Variants in ARHGEF40 observed in about 807,000 individuals in gnomAD.
The protein encoded by ARHGEF40 is Rho guanine nucleotide exchange factor 40.
ARHGEF40 carries 98 observed loss-of-function variants against 165.9 expected under a neutral mutation model. That is an observed-to-expected ratio of 0.59 (90% CI 0.50 to 0.70). The LOEUF is 0.70. Ranked by LOEUF, ARHGEF40 falls within the 30% of genes least tolerant of loss-of-function variation. The pLI is 0.00. For missense variants in ARHGEF40, 1,815 were observed against 1,968.0 expected (o/e 0.92, Z 1.47); for synonymous variants, 792 against 814.3 (o/e 0.97, Z 0.47).
rs1358514557 is a variant in ARHGEF40, at chr14:21,089,532, T to C, written c.*524T>C. ...ATTATAATACTATTGTTATATTAAA[T>C]GTATTTACTCACACTTTGCCTCTAA... On this transcript the variant is annotated 3_prime_UTR_variant, in exon 24 of 24. Transcript: ENST00000298694. 1 of 152,680 alleles carries C rather than the reference T, an allele frequency of 6.5e-6. No homozygotes were observed. The highest frequency in any genetic ancestry group is 1.5e-5 in the Non-Finnish European group (1 of 68,062). 9.5% of individuals were successfully genotyped at this position (152,680 alleles called of 1,614,324 possible).
At position 21,070,443 on chromosome 14, in the gene ARHGEF40, G is replaced by C; in HGVS notation, c.3+44G>C. ...CCCCCTGGGTCCCCTCGGCCTTCGC[G>C]CAGCCCGCTCCGGGCCCCCAAGTCC... On this transcript the variant is annotated intron_variant, in intron 1 of 23. Coordinates refer to ENST00000298694, the MANE Select transcript of ARHGEF40 (RefSeq NM_018071.5). This position sits in a 1 kb window ranked among gnomAD's most constrained non-coding sequence, Gnocchi z 4.7. 7.3e-7 allele frequency: 1 copy of C among 1,369,110 alleles called. No homozygotes were observed. 84.8% of individuals were successfully genotyped at this position (1,369,110 alleles called of 1,614,324 possible).
At chr14:21,077,648 A>G (rs1887538290) in intron 8 of ARHGEF40, among the ~76,000 whole-genome samples, 1 of 152,194 alleles carries the variant, frequency 6.6e-6, no homozygotes, top group African/African-American at 2.4e-5. Context: ...TCAGCGCAGT[A>G]TAACAATCAC....
Position 21,083,893 on chromosome 14 carries a change from T to C in ARHGEF40, c.3632T>C (p.Leu1211Pro), listed in dbSNP as rs1322774468. The part of the protein sequence containing the change: ...PRALQQPLEQ[L>P]TRYGRLLEEL... ...GCCCTGCAGCAGCCTCTGGAACAGC[T>C]GACTCGGTATGGGCGGCTCCTGGAG... Residue 1211 changes from leucine to proline, a missense_variant, in exon 17 of 24, where the codon CTG (leucine) becomes CCG (proline). Physicochemically the swap from Leu to Pro is moderately conservative, Grantham distance 98. Transcript: ENST00000298694. 2 of 1,613,946 alleles carry C rather than the reference T, an allele frequency of 1.2e-6. No individual in the cohort carries two copies. Among genetic ancestry groups the C allele is most frequent in the African/African-American group, 2.7e-5 (2 of 74,914 alleles).
At chr14:21,084,555 G>A (rs1373569571) in intron 17 of ARHGEF40, among the ~76,000 whole-genome samples, 198 bp from the exon 18 acceptor site, 1 of 152,222 alleles carries the variant, frequency 6.6e-6, no homozygotes, top group South Asian at 2.1e-4. Context: ...GTCTTCAGAG[G>A]CAGGGCTGTG....
In ARHGEF40 at chr14:21,090,201, C is replaced by A. The variant is rs1888711249; in HGVS notation, c.*1193C>A. 1.8e-6 allele frequency: 1 copy of A among 563,482 alleles called. No individual in the cohort carries two copies. Among genetic ancestry groups the A allele is most frequent in the Admixed American group, 2.2e-5 (1 of 45,566 alleles). 34.9% of individuals were successfully genotyped at this position (563,482 alleles called of 1,614,324 possible). Reference sequence around the variant, plus strand: ...GCTAGAAGGGTACAGTGCCCCCCACCCTCACCCCTTGTACAAAAATAAACT... The same window carrying A: ...GCTAGAAGGGTACAGTGCCCCCCACACTCACCCCTTGTACAAAAATAAACT... On this transcript the variant is annotated 3_prime_UTR_variant, in exon 24 of 24. Coordinates refer to ENST00000298694, the MANE Select transcript of ARHGEF40 (RefSeq NM_018071.5). The surrounding 1 kb of genome is among the most constrained non-coding windows in gnomAD (Gnocchi z 4.4).
rs1462938248 is a variant in ARHGEF40, at chr14:21,082,067, G to C, written c.3199G>C (p.Asp1067His). ...GCTGCTGGGCCGGGCTAGGGGGCCA[G>C]ACGGACCCTGGGGAGTAGGCACCCC... ...HVLLGRARGP[D>H]GPWGVGTPRM... The change falls in exon 14 of 24, where the codon GAC (aspartate) becomes CAC (histidine). Residue 1067 changes from aspartate to histidine, a missense_variant. By Grantham distance (81) the Asp-to-His change is moderately conservative. Coordinates refer to ENST00000298694, the MANE Select transcript of ARHGEF40 (RefSeq NM_018071.5). 1 of 1,559,852 alleles carries C rather than the reference G, an allele frequency of 6.4e-7. No homozygotes were observed. Among genetic ancestry groups the C allele is most frequent in the Non-Finnish European group, 8.7e-7 (1 of 1,151,830 alleles).
At chr14:21,065,908 G>A (rs936598836), upstream of ARHGEF40, among the ~76,000 whole-genome samples, 2 of 152,126 alleles carry the variant, frequency 1.3e-5, no homozygotes, top group Admixed American at 6.5e-5. Flanking sequence ...AGACCAGCCT[G>A]GCCAACATGG....
intron 1 of ARHGEF40, among the ~76,000 whole-genome samples, chr14:21,071,457 G>A (rs547447508): frequency 1.9e-4 from 29 of 152,298 alleles, no homozygotes; most frequent in Admixed American, 4.6e-4. Context: ...CTCTACGGAG[G>A]GAAGGGCACC....
chr14:21,066,288 T>C (rs138885314), upstream of ARHGEF40, among the ~76,000 whole-genome samples: 503 of 107,560 alleles, frequency 4.7e-3, 3 homozygotes, highest in Non-Finnish European at 4.8e-3. Flanking sequence ...GTTGATGAGA[T>C]TTATTTGGAT....
At chr14:21,083,386 A>C (rs1181013922) in intron 16 of ARHGEF40, among the ~76,000 whole-genome samples, 1 of 122,872 alleles carries the variant, frequency 8.1e-6, no homozygotes. Flanking sequence ...TAGAAATACA[A>C]AAAAAAAAAA....
Position 21,086,034 on chromosome 14 carries a change from TA to T in ARHGEF40, c.4138+170del. ...GAGATTACTGAAGTAGAAATGAGCC[TA>T]AGATATACCAAAAAGAAAGAGAAAG... On this transcript the variant is annotated intron_variant, in intron 19 of 23. Transcript: ENST00000298694. The T allele has an allele frequency of 4.8e-6, 4 of 833,178 alleles. No homozygotes were observed. The South Asian group carries it at 6.1e-5, about 13-fold the overall frequency. 51.6% of individuals were successfully genotyped at this position (833,178 alleles called of 1,614,324 possible). A position where few individuals can be genotyped will look rare whatever the true frequency, so the allele number is the denominator to read the frequency against.
At chr14:21,081,247 A>T in intron 13 of ARHGEF40, 6 of 807,688 alleles carry the variant, frequency 7.4e-6, no homozygotes, top group Non-Finnish European at 3.8e-6. Context: ...ACACGAGGCA[A>T]TACATAAAAG....
rs1887887370 is a variant in ARHGEF40 at position 21,081,478 on chromosome 14, T to C, written c.2641-31T>C. 5 of 1,609,766 alleles carry C rather than the reference T, an allele frequency of 3.1e-6. No individual in the cohort carries two copies. The South Asian group carries it at 4.4e-5, about 14-fold the overall frequency. ...GAGCAACACAGGCCCTTACCCTTTC[T>C]CTCCCATCCCCAACCCCTTTGACTT... On this transcript the variant is annotated intron_variant, in intron 13 of 23. Coordinates refer to ENST00000298694, the MANE Select transcript of ARHGEF40 (RefSeq NM_018071.5).
At chr14:21,083,788 C>G in intron 16 of ARHGEF40, 47 bp from the exon 17 acceptor site, 1 of 1,571,772 alleles carries the variant, frequency 6.4e-7, no homozygotes, top group Non-Finnish European at 8.7e-7. Flanking sequence ...GCTTGGCCCC[C>G]AGAGGCTCCA....
In ARHGEF40 at chr14:21,088,094, G is replaced by C; in HGVS notation, c.4514G>C (p.Arg1505Pro). The C allele has an allele frequency of 6.2e-7, 1 of 1,609,032 alleles. No individual in the cohort carries two copies. Among genetic ancestry groups the C allele is most frequent in the Non-Finnish European group, 8.5e-7 (1 of 1,177,706 alleles). The change falls in exon 22 of 24, where the codon CGA becomes CCA. Residue 1505 changes from arginine (R) to proline (P), a missense_variant. Physicochemically the swap from Arg to Pro is moderately radical, Grantham distance 103. Coordinates refer to ENST00000298694, the MANE Select transcript of ARHGEF40 (RefSeq NM_018071.5). ...LASRGILGLS[R>P]QSHARALSDP... ...AGTCGAGGGATCTTAGGGCTATCCC[G>C]ACAGGTAAGTTCCTACAACGAGGCT...
chr14:21,071,983 A>G (rs1304826709), intron 1 of ARHGEF40, among the ~76,000 whole-genome samples: 1 of 152,244 alleles, frequency 6.6e-6, no homozygotes, highest in Admixed American at 6.5e-5. Flanking sequence ...TTTTATGGCA[A>G]AGGCAAGGTA....
At chr14:21,088,640 T>C (rs1223424765) in intron 22 of ARHGEF40, among the ~76,000 whole-genome samples, 190 bp from the exon 23 acceptor site, 5 of 152,154 alleles carry the variant, frequency 3.3e-5, no homozygotes, top group African/African-American at 7.2e-5. Context: ...GAGCCATGTT[T>C]GTGCCACTGC....
At position 21,081,424 on chromosome 14, in the gene ARHGEF40, G is replaced by A. The variant is rs1887882040; in HGVS notation, c.2641-85G>A. ...GGCATTGGGAGGCCACAGGCAAGAG[G>A]ACAAGGGCTGTCACTGGGCATCCTT... On this transcript the variant is annotated intron_variant, in intron 13 of 23. Coordinates refer to ENST00000298694, the MANE Select transcript of ARHGEF40 (RefSeq NM_018071.5). The A allele has an allele frequency of 2.6e-6, 4 of 1,549,332 alleles. No homozygotes were observed. The Admixed American group carries it at 7.2e-5, about 28-fold the overall frequency.
In ARHGEF40 at chr14:21,075,177, G is replaced by A; in HGVS notation, c.1447G>A (p.Ala483Thr). 1 of 1,594,400 alleles carries A rather than the reference G, an allele frequency of 6.3e-7. No individual in the cohort carries two copies. The highest frequency in any genetic ancestry group is 8.5e-7 in the Non-Finnish European group (1 of 1,171,232). ...GGAGGGGCCAGGCCTGCTGTGTATG[G>A]CAGGTGAGATGACACGGAGTGAGGC... is the stretch of plus-strand genomic sequence containing the variant. ...ELEGPGLLCM[A>T]GHTGPEGPLS... Residue 483 changes from alanine (A) to threonine (T), a missense_variant, in exon 3 of 24, where the codon GCA becomes ACA. Ala to Thr is a moderately conservative substitution (Grantham distance 58). Transcript: ENST00000298694. The surrounding 1 kb of genome is among the most constrained non-coding windows in gnomAD (Gnocchi z 4.5).
Sources: allele counts gnomAD v4.1 joint callset (sites outside exome capture counted in the v4.1 genomes callset), GRCh38; gene constraint gnomAD v4.1.1; non-coding constraint Gnocchi (gnomAD v3.1); transcripts MANE v1.5; gene names NCBI Gene and HGNC (gene_info 2026-07-23, HGNC 2026-07-21).